The following TLE5 variants were observed in gnomAD, a reference collection of about 807,000 sequenced individuals.
TLE5 encodes TLE family member 5.
A neutral mutation model predicts 25.8 loss-of-function variants in TLE5; 7 were observed. The observed-to-expected ratio is 0.27, with a 90% CI of 0.15 to 0.51. The LOEUF is 0.51. TLE5 is among the 20% of genes least tolerant of loss of function. The pLI is 0.97. For synonymous variants in TLE5, 132 were observed against 110.5 expected (o/e 1.20, Z -1.22); for missense variants, 149 against 250.7 (o/e 0.59, Z 2.74).
At chr19:3,062,119 G>C in intron 1 of TLE5, 55 bp downstream of exon 1, 1 of 984,606 alleles carries the variant, frequency 1.0e-6, no homozygotes, top group Non-Finnish European at 1.3e-6. Context: ...CCGGGGGTCG[G>C]GGGCGTAGGG....
At chr19:3,057,885 A>ATT in intron 2 of TLE5, 143 bp from the exon 3 acceptor site, 4 of 696,972 alleles carry the variant, frequency 5.7e-6, no homozygotes, top group South Asian at 1.8e-5. Context: ...TCAAGCAATA[A>ATT]TTTTTTTTTT....
chr19:3,060,170 C>T (rs746458279), intron 2 of TLE5, among the ~76,000 whole-genome samples: 5 of 152,006 alleles, frequency 3.3e-5, no homozygotes, highest in Non-Finnish European at 5.9e-5. Context: ...TTCCCAGGCC[C>T]GGCGTGCCCC....
intron 2 of TLE5, among the ~76,000 whole-genome samples, chr19:3,058,629 C>T (rs985223495): frequency 6.6e-6 from 1 of 152,176 alleles, no homozygotes; most frequent in Admixed American, 6.5e-5. Context: ...CTGGCCAGTC[C>T]GGGTGGCTGA....
intron 5 of TLE5, chr19:3,054,479 C>T (rs2090201179): frequency 7.4e-6 from 4 of 543,082 alleles, no homozygotes; most frequent in South Asian, 2.1e-5. Flanking sequence ...TGAGTGAGCC[C>T]GGGAGAAACC....
At chr19:3,060,653 G>GT (rs1438672509) in intron 2 of TLE5, among the ~76,000 whole-genome samples, 2 of 152,226 alleles carry the variant, frequency 1.3e-5, no homozygotes, top group Admixed American at 1.3e-4. Context: ...TTCTTTAAGT[G>GT]TAAGAGGACT....
intron 2 of TLE5, among the ~76,000 whole-genome samples, chr19:3,058,873 C>T (rs1438546320): frequency 6.6e-6 from 1 of 152,326 alleles, no homozygotes; most frequent in South Asian, 2.1e-4. Context: ...TCCCCACCCC[C>T]TCTCGGACTG....
chr19:3,061,356 CTCCTGCCCCACT>C, intron 1 of TLE5, 99 bp from the exon 2 acceptor site: 2 of 869,718 alleles, frequency 2.3e-6, no homozygotes. Context: ...GGCGCCCCCC[CTCCTGCCCCACT>C]TCCTGGGCCC....
chr19:3,055,763 C>T (rs369543849), intron 4 of TLE5, 37 bp from the exon 5 acceptor site: 228 of 1,571,096 alleles, frequency 1.5e-4, no homozygotes, highest in Non-Finnish European at 1.9e-4. Context: ...CAGTCCTGGG[C>T]GGGTGGCAGG....
At chr19:3,056,006 C>T (rs2090213836) in intron 4 of TLE5, 1 of 515,094 alleles carries the variant, frequency 1.9e-6, no homozygotes, top group South Asian at 3.0e-5. Flanking sequence ...CCACTCAGGC[C>T]CCTGGCAGGT....
Position 3,055,684 on chromosome 19 carries a change from G to C in TLE5, c.277C>G (p.Leu93Val). The C allele has an allele frequency of 6.2e-7, 1 of 1,607,780 alleles. No individual in the cohort carries two copies. Among genetic ancestry groups the C allele is most frequent in the Non-Finnish European group, 8.5e-7 (1 of 1,176,924 alleles). The stretch of plus-strand genomic sequence containing the variant: ...CTTACCTCTTGGGAGAGGTAGGGCA[G>C]GACCTGGGCACAAATCCCGTTCAGC... Reference protein sequence around the residue: ...KRLNGICAQVLPYLSQEHQQQ... With the variant: ...KRLNGICAQVVPYLSQEHQQQ... The change falls in exon 5 of 7, where the codon CTG becomes GTG. Residue 93 changes from leucine (L) to valine (V), a missense_variant. Coordinates refer to ENST00000327141, the MANE Select transcript of TLE5 (RefSeq NM_001130.6).
Position 3,053,130 on chromosome 19 carries a change from A to G in TLE5, c.*689T>C, listed in dbSNP as rs2090187994. On this transcript the variant is annotated 3_prime_UTR_variant, in exon 7 of 7. Coordinates refer to ENST00000327141, the MANE Select transcript of TLE5 (RefSeq NM_001130.6). ...AGCTAGTATACTGGAAAAAGAAAAA[A>G]ATAATAATAAAATAAAAACCAAGAC... is the stretch of plus-strand genomic sequence containing the variant. 6.6e-6 allele frequency: 1 copy of G among 152,138 alleles called. No homozygotes were observed. Among genetic ancestry groups the G allele is most frequent in the South Asian group, 2.1e-4 (1 of 4,822 alleles). The allele number at this position is 152,138 out of a possible 1,614,324, so 9.4% of individuals were successfully genotyped here.
intron 3 of TLE5, chr19:3,056,798 C>A (rs1005629200): frequency 1.6e-5 from 4 of 248,956 alleles, no homozygotes; most frequent in Non-Finnish European, 2.4e-5. Flanking sequence ...CCAGCAGCTA[C>A]CCCCACCCCA....
chr19:3,062,768 C>T (rs2090283654), upstream of TLE5: 2 of 1,548,202 alleles, frequency 1.3e-6, no homozygotes, highest in South Asian at 2.4e-5. Flanking sequence ...CGCGTCGAAG[C>T]CGCCGGCCCT....
intron 1 of TLE5, among the ~76,000 whole-genome samples, chr19:3,061,760 G>A (rs1193585698): frequency 6.6e-6 from 1 of 150,790 alleles, no homozygotes; most frequent in African/African-American, 2.4e-5. Flanking sequence ...GGAGGGGTGC[G>A]CCTCGGATCA....
chr19:3,061,362 C>G (rs1226669796), intron 1 of TLE5, 105 bp from the exon 2 acceptor site: 1 of 821,092 alleles, frequency 1.2e-6, no homozygotes, highest in African/African-American at 1.7e-5. Flanking sequence ...CCCCCTCCTG[C>G]CCCACTTCCT....
chr19:3,057,808 T>A, intron 2 of TLE5, 66 bp from the exon 3 acceptor site: 6 of 1,480,228 alleles, frequency 4.1e-6, no homozygotes, highest in Non-Finnish European at 5.6e-6. Context: ...CCACCCTCCG[T>A]TATCCAGGGG....
At chr19:3,059,595 G>A (rs1568265775) in intron 2 of TLE5, among the ~76,000 whole-genome samples, 1 of 152,196 alleles carries the variant, frequency 6.6e-6, no homozygotes, top group Non-Finnish European at 1.5e-5. Context: ...AAAATAGGAT[G>A]GTCTGGCCAC....
Position 3,061,176 on chromosome 19 carries a change from G to C in TLE5, c.109C>G (p.Gln37Glu). ...DRIKDEFQLL[Q>E]AQYHSLKLEC... Reference sequence around the variant, plus strand: ...CCAGCTCACCTGTGGTACTGAGCTTGCAGTAGCTGAAATTCGTCTTTGATG... The same window carrying C: ...CCAGCTCACCTGTGGTACTGAGCTTCCAGTAGCTGAAATTCGTCTTTGATG... Residue 37 changes from glutamine (Q) to glutamate (E), a missense_variant, in exon 2 of 7, where the codon CAA (glutamine) becomes GAA (glutamate). By Grantham distance (29) the Gln-to-Glu change is conservative. Coordinates refer to ENST00000327141, the MANE Select transcript of TLE5 (RefSeq NM_001130.6). 6.2e-7 allele frequency: 1 copy of C among 1,613,242 alleles called. No individual in the cohort carries two copies. The highest frequency in any genetic ancestry group is 2.2e-5 in the East Asian group (1 of 44,860).
At chr19:3,060,307 C>A (rs541378500) in intron 2 of TLE5, among the ~76,000 whole-genome samples, 173 of 146,828 alleles carry the variant, frequency 1.2e-3, no homozygotes, top group African/African-American at 4.2e-3. Context: ...CATCTCTGGG[C>A]TTAAGTTTCT....
Sources: allele counts gnomAD v4.1 joint callset (sites outside exome capture counted in the v4.1 genomes callset), GRCh38; gene constraint gnomAD v4.1.1; transcripts MANE v1.5; gene names NCBI Gene and HGNC (gene_info 2026-07-23, HGNC 2026-07-21).